MBD5: variants seen among roughly 807,000 people sequenced by gnomAD.
MBD5 encodes methyl-CpG-binding domain protein 5.
In MBD5, 13 loss-of-function variants were observed where a neutral mutation model predicts 117.3. The ratio of observed to expected loss-of-function variants is 0.11; its 90% CI spans 0.07 to 0.18. MBD5 has a LOEUF of 0.18. MBD5 is among the 10% of genes least tolerant of loss of function. The pLI is 1.00. For synonymous variants in MBD5, 727 were observed against 766.4 expected (o/e 0.95, Z 0.85); for missense variants, 1,879 against 2,093.8 (o/e 0.90, Z 2.00).
intron 1 of MBD5, among the ~76,000 whole-genome samples, chr2:148,174,295 AAATCAACTC>A (rs1254819633): frequency 1.3e-5 from 2 of 152,158 alleles, no homozygotes; most frequent in Non-Finnish European, 2.9e-5. Flanking sequence ...CCATATACAA[AAATCAACTC>A]AAAATGGATT....
At chr2:148,211,113 AAC>A (rs1202133687) in intron 2 of MBD5, among the ~76,000 whole-genome samples, 1 of 152,198 alleles carries the variant, frequency 6.6e-6, no homozygotes, top group Non-Finnish European at 1.5e-5. Flanking sequence ...AGCCTAATAC[AAC>A]ATCAGTCTAG....
At chr2:148,171,401 GA>G (rs1167070931) in intron 1 of MBD5, among the ~76,000 whole-genome samples, 1 of 152,092 alleles carries the variant, frequency 6.6e-6, no homozygotes, top group African/African-American at 2.4e-5. Context: ...TACGGATGAA[GA>G]AAAAATACTT....
intron 9 of MBD5, 152 bp from the exon 10 acceptor site, chr2:148,485,590 C>T: frequency 1.5e-6 from 1 of 646,986 alleles, no homozygotes; most frequent in South Asian, 1.9e-5. Context: ...CTTTCCTTAC[C>T]ACTTAGTAAG....
intron 1 of MBD5, chr2:148,070,821 A>G (rs1350749999): frequency 1.3e-5 from 2 of 151,992 alleles, no homozygotes; most frequent in East Asian, 1.9e-4. Context: ...ATTAACTATA[A>G]TAATACCATA....
At chr2:148,042,544 C>G (rs1487817189) in intron 1 of MBD5, among the ~76,000 whole-genome samples, 1 of 151,558 alleles carries the variant, frequency 6.6e-6, no homozygotes, top group African/African-American at 2.4e-5. Flanking sequence ...TTTACCATAT[C>G]GAGCCTCAGT....
At chr2:148,438,648 T>C (rs1430175322) in intron 4 of MBD5, among the ~76,000 whole-genome samples, 1 of 152,166 alleles carries the variant, frequency 6.6e-6, no homozygotes, top group East Asian at 1.9e-4. Flanking sequence ...ATTAGGGGAC[T>C]TGGCTAATGC....
intron 3 of MBD5, among the ~76,000 whole-genome samples, chr2:148,249,424 A>G (rs78000612): frequency 0.13 from 19,279 of 152,200 alleles, 1,477 homozygotes; most frequent in Non-Finnish European, 0.18. Context: ...CAATAAGTAA[A>G]ATAATTAAAA....
chr2:148,103,965 T>C (rs1696301245), intron 1 of MBD5, among the ~76,000 whole-genome samples: 1 of 152,184 alleles, frequency 6.6e-6, no homozygotes, highest in Non-Finnish European at 1.5e-5. Context: ...TATGTGTGCA[T>C]GATGAGGCTG....
At chr2:148,194,741 C>A (rs1698926021) in intron 2 of MBD5, among the ~76,000 whole-genome samples, 1 of 80,494 alleles carries the variant, frequency 1.2e-5, no homozygotes, top group Admixed American at 1.7e-4. Context: ...GCACATGTAC[C>A]CTAAAACTTA....
chr2:148,249,718 T>G (rs562912600), intron 3 of MBD5, among the ~76,000 whole-genome samples: 5 of 152,346 alleles, frequency 3.3e-5, no homozygotes, highest in African/African-American at 1.2e-4. Context: ...AATTGTGAAT[T>G]TTGTGGGCAG....
chr2:148,376,727 ATATAATTATATTATATAT>A (rs1373928460), intron 4 of MBD5, among the ~76,000 whole-genome samples: 2 of 140,950 alleles, frequency 1.4e-5, no homozygotes, highest in African/African-American at 5.2e-5. Context: ...TATATCTAAT[ATATAATTATATTATATAT>A]TATAATTATA....
At chr2:148,450,090 T>C (rs12691797) in intron 4 of MBD5, among the ~76,000 whole-genome samples, 135,915 of 152,066 alleles carry the variant, frequency 0.89, 61,067 homozygotes, top group East Asian at 1. Context: ...GTCCTTTCCC[T>C]AGTGCTATTA....
At chr2:148,417,266 A>C (rs900040662) in intron 4 of MBD5, among the ~76,000 whole-genome samples, 1 of 148,790 alleles carries the variant, frequency 6.7e-6, no homozygotes, top group Non-Finnish European at 1.5e-5. Context: ...GGGTCTACAG[A>C]CATGTGCCAC....
chr2:148,246,720 C>T (rs1005415896), intron 3 of MBD5, among the ~76,000 whole-genome samples: 13 of 144,972 alleles, frequency 9.0e-5, no homozygotes, highest in African/African-American at 2.6e-4. Flanking sequence ...GCCGAAATTG[C>T]GCCACTGCAC....
chr2:148,515,408 G>C lies in MBD5; in HGVS notation c.*2467G>C, dbSNP rs185100701. 2.6e-5 allele frequency: 4 copies of C among 152,092 alleles called. No homozygotes were observed. The highest frequency in any genetic ancestry group is 1.3e-4 in the Admixed American group (2 of 15,282). The allele number at this position is 152,092 out of a possible 1,614,324, so 9.4% of individuals were successfully genotyped here. A position where few individuals can be genotyped will look rare whatever the true frequency, so the allele number is the denominator to read the frequency against. On this transcript the variant is annotated 3_prime_UTR_variant, in exon 14 of 14. Transcript: ENST00000642680. ...GCTAGGTGTAGTAGTTTCAGTCCAC[G>C]TGGGTTTTTTTCATCTCTCTTAGAG...
chr2:148,061,655 G>C lies in MBD5; in HGVS notation c.-925+39971G>C, dbSNP rs546801424. Among the ~76,000 whole-genome samples the C allele has an allele frequency of 5.9e-5, 9 of 151,950 alleles. No homozygotes were observed. The South Asian group carries it at 1.5e-3, about 25-fold the overall frequency. On this transcript the variant is annotated intron_variant, in intron 1 of 13. Coordinates refer to ENST00000642680, the MANE Select transcript of MBD5 (RefSeq NM_001378120.1). ...GTGAGTGTGTGTGTGTGTGTCATCTGTGTGTGTAATACTTTGTCAACATCT... is the reference window on the plus strand; with the variant it reads ...GTGAGTGTGTGTGTGTGTGTCATCTCTGTGTGTAATACTTTGTCAACATCT...
chr2:148,151,651 C>A (rs994089700), intron 1 of MBD5, among the ~76,000 whole-genome samples: 1 of 152,106 alleles, frequency 6.6e-6, no homozygotes, highest in Non-Finnish European at 1.5e-5. Context: ...GATTCAACTT[C>A]TTCCTGGTTT....
intron 3 of MBD5, among the ~76,000 whole-genome samples, chr2:148,282,901 C>T (rs1357121491): frequency 4.3e-5 from 6 of 140,350 alleles, no homozygotes; most frequent in South Asian, 2.4e-4. Flanking sequence ...ACTTAACCGC[C>T]CCCCCCCATC....
At chr2:148,467,277 G>A (rs571426538) in intron 7 of MBD5, among the ~76,000 whole-genome samples, 5 of 152,218 alleles carry the variant, frequency 3.3e-5, no homozygotes, top group East Asian at 1.9e-4. Flanking sequence ...CTAAAAAAGC[G>A]AAACCTAGAA....
Sources: allele counts gnomAD v4.1 joint callset (sites outside exome capture counted in the v4.1 genomes callset), GRCh38; gene constraint gnomAD v4.1.1; transcripts MANE v1.5; gene names NCBI Gene and HGNC (gene_info 2026-07-23, HGNC 2026-07-21).